Variants in RGS8 observed in about 807,000 individuals in gnomAD.
RGS8 encodes the protein regulator of G-protein signaling 8.
A neutral mutation model predicts 21.7 loss-of-function variants in RGS8; 8 were observed. The ratio of observed to expected loss-of-function variants is 0.37; its 90% CI spans 0.22 to 0.66. RGS8 has a LOEUF of 0.66. Ranked by LOEUF, RGS8 falls within the 30% of genes least tolerant of loss-of-function variation. The pLI, the probability that RGS8 is intolerant of heterozygous loss-of-function variation, is 0.59. For synonymous variants in RGS8, 80 were observed against 83.6 expected, an observed-to-expected ratio of 0.96 and a Z score of 0.24; for missense variants, 157 against 217.9, an observed-to-expected ratio of 0.72 and a Z score of 1.76.
chr1:182,686,987 C>T (rs1241653987), upstream of RGS8, among the ~76,000 whole-genome samples: 1 of 152,014 alleles, frequency 6.6e-6, no homozygotes, highest in East Asian at 1.9e-4. Flanking sequence ...TCAAATACGG[C>T]AGAGAAGTTA....
intron 5 of RGS8, among the ~76,000 whole-genome samples, chr1:182,650,790 CTT>C (rs1662975415): frequency 6.6e-6 from 1 of 152,138 alleles, no homozygotes; most frequent in African/African-American, 2.4e-5. Context: ...GAGGTTGAGA[CTT>C]ATCCAAGTCA....
At chr1:182,717,194 G>T in the RGS8 span, among the ~76,000 whole-genome samples, 1 of 152,170 alleles carries the variant, frequency 6.6e-6, no homozygotes, top group East Asian at 1.9e-4. Context: ...CAAATGACCT[G>T]CTGCATTATA....
At chr1:182,678,234 G>C (rs79240607) in intron 1 of RGS8, among the ~76,000 whole-genome samples, 12 of 152,142 alleles carry the variant, frequency 7.9e-5, no homozygotes, top group African/African-American at 2.7e-4. Flanking sequence ...TGGTAGGTAC[G>C]TAGGGACTCA....
the RGS8 span, among the ~76,000 whole-genome samples, chr1:182,704,660 C>T: frequency 5.3e-5 from 8 of 152,180 alleles, no homozygotes; most frequent in Non-Finnish European, 7.3e-5. Context: ...AAAGAGGAAT[C>T]GGGGATGCGG....
intron 5 of RGS8, among the ~76,000 whole-genome samples, chr1:182,654,111 G>A (rs1663150881): frequency 6.6e-6 from 1 of 152,162 alleles, no homozygotes; most frequent in African/African-American, 2.4e-5. Flanking sequence ...ACTTTCCACA[G>A]GAAGAAACTA....
the RGS8 span, among the ~76,000 whole-genome samples, chr1:182,726,350 C>G: frequency 1.3e-5 from 2 of 152,180 alleles, no homozygotes; most frequent in South Asian, 4.1e-4. Flanking sequence ...CAGTGCCCCC[C>G]AGTCTCAATC....
At chr1:182,661,534 GGGAAGGAAGGGA>G (rs1663586161) in intron 5 of RGS8, among the ~76,000 whole-genome samples, 1 of 151,738 alleles carries the variant, frequency 6.6e-6, no homozygotes, top group Non-Finnish European at 1.5e-5. Context: ...GGAGAAATAA[GGGAAGGAAGGGA>G]GGGAGGAAGG....
At chr1:182,671,911 A>G (rs1210754606) in exon 1 of RGS8, 32 of 1,460,358 alleles carry the variant, frequency 2.2e-5, no homozygotes, top group African/African-American at 2.9e-5. Flanking sequence ...TGCTTGTCAC[A>G]TCCAGTAAAT....
At chr1:182,695,066 C>T in the RGS8 span, among the ~76,000 whole-genome samples, 1 of 129,002 alleles carries the variant, frequency 7.8e-6, no homozygotes, top group African/African-American at 3.0e-5. Flanking sequence ...TAACTGCTAC[C>T]TATTGATAGA....
chr1:182,649,381 G>A (rs537944166), intron 5 of RGS8, among the ~76,000 whole-genome samples: 4 of 152,152 alleles, frequency 2.6e-5, no homozygotes, highest in South Asian at 2.1e-4. Flanking sequence ...AAATGCAGTC[G>A]GCAGTTTCAT....
the RGS8 span, among the ~76,000 whole-genome samples, chr1:182,738,204 G>A: frequency 1.5e-4 from 23 of 152,102 alleles, no homozygotes; most frequent in African/African-American, 5.1e-4. Context: ...TATAATGGAC[G>A]GAGGCCACTT....
At chr1:182,704,959 T>C in the RGS8 span, among the ~76,000 whole-genome samples, 45 of 152,334 alleles carry the variant, frequency 3.0e-4, no homozygotes, top group Middle Eastern at 0.01. Context: ...GGTTGTGACC[T>C]GTGAAATCAT....
chr1:182,741,905 G>A, the RGS8 span, among the ~76,000 whole-genome samples: 1 of 121,454 alleles, frequency 8.2e-6, no homozygotes, highest in Non-Finnish European at 1.8e-5. Flanking sequence ...CCCTCCCGGA[G>A]GAGGTGGCTG....
the RGS8 span, among the ~76,000 whole-genome samples, chr1:182,722,509 C>T: frequency 6.6e-6 from 1 of 152,116 alleles, no homozygotes; most frequent in South Asian, 2.1e-4. Flanking sequence ...CTCTCCTTGG[C>T]TCTTTCCCTG....
chr1:182,643,421 A>T (rs560382623), downstream of RGS8: 9 of 150,812 alleles, frequency 6.0e-5, no homozygotes, highest in African/African-American at 1.9e-4. Flanking sequence ...TTTAAAAATG[A>T]CTGATGCCTG....
chr1:182,738,281 T>C, the RGS8 span, among the ~76,000 whole-genome samples: 171 of 152,350 alleles, frequency 1.1e-3, no homozygotes, highest in African/African-American at 4.0e-3. Flanking sequence ...TTAACTTCTC[T>C]GAGCCTTTGT....
chr1:182,741,126 C>G, the RGS8 span, among the ~76,000 whole-genome samples: 1,137 of 149,480 alleles, frequency 7.6e-3, 10 homozygotes, highest in African/African-American at 0.027. Context: ...TCCCAGTAGG[C>G]GCGGCCGGGC....
intron 5 of RGS8, chr1:182,658,496 G>A (rs1663394776): frequency 6.6e-6 from 1 of 152,206 alleles, no homozygotes; most frequent in South Asian, 2.1e-4. Context: ...AAATAAGCTG[G>A]TGAATGGGTT....
At chr1:182,748,526 T>C in the RGS8 span, among the ~76,000 whole-genome samples, 1 of 152,246 alleles carries the variant, frequency 6.6e-6, no homozygotes, top group Non-Finnish European at 1.5e-5. Context: ...CTTAGGTTGA[T>C]TCCATGTCTT....
Sources: gnomAD v4.1 joint callset for allele counts (sites outside exome capture counted in the v4.1 genomes callset) on GRCh38, gnomAD v4.1.1 for gene constraint, MANE v1.5 for transcripts, NCBI Gene and HGNC (gene_info 2026-07-23, HGNC 2026-07-21) for gene names.